LRRIQ1: variants seen among roughly 807,000 people sequenced by gnomAD.
LRRIQ1 encodes the protein leucine-rich repeat- and IQ domain-containing protein 1.
A neutral mutation model predicts 211.9 loss-of-function variants in LRRIQ1; 210 were observed. That is an observed-to-expected ratio of 0.99 (90% confidence interval 0.89 to 1.11). LRRIQ1 has a LOEUF of 1.11. Ranked by LOEUF, LRRIQ1 falls within the 50% of genes most tolerant of loss-of-function variation. The pLI is 0.00. For synonymous variants in LRRIQ1, 699 were observed against 650.1 expected (o/e 1.08, Z -1.14); for missense variants, 2,136 against 1,939.5 (o/e 1.10, Z -1.90).
At chr12:85,115,367 A>T (rs1422285321) in intron 15 of LRRIQ1, among the ~76,000 whole-genome samples, 1 of 152,226 alleles carries the variant, frequency 6.6e-6, no homozygotes, top group Non-Finnish European at 1.5e-5. Context: ...AGTAAATAAC[A>T]TGAAGAAAAT....
intron 24 of LRRIQ1, among the ~76,000 whole-genome samples, chr12:85,220,244 T>C (rs1421018184): frequency 6.6e-6 from 1 of 152,068 alleles, no homozygotes; most frequent in African/African-American, 2.4e-5. Flanking sequence ...TTTTATTATA[T>C]TACTGAGAAA....
chr12:85,160,277 T>C (rs750827713), intron 23 of LRRIQ1, among the ~76,000 whole-genome samples: 9 of 152,120 alleles, frequency 5.9e-5, no homozygotes, highest in Non-Finnish European at 1.3e-4. Flanking sequence ...CTATTTTAGG[T>C]GTTAAATTAA....
chr12:85,198,775 A>G (rs1306135616), intron 24 of LRRIQ1, among the ~76,000 whole-genome samples: 1 of 152,008 alleles, frequency 6.6e-6, no homozygotes, highest in Non-Finnish European at 1.5e-5. Flanking sequence ...CCACCATGTT[A>G]GCCAGAATGG....
intron 19 of LRRIQ1, among the ~76,000 whole-genome samples, chr12:85,140,652 G>A (rs979614639): frequency 2.0e-5 from 3 of 150,972 alleles, no homozygotes; most frequent in African/African-American, 2.4e-5. Context: ...ATTAGCAAGC[G>A]TCTTTTTCTA....
chr12:85,112,232 ATCT>A (rs1170975637), intron 15 of LRRIQ1, among the ~76,000 whole-genome samples: 1 of 151,858 alleles, frequency 6.6e-6, no homozygotes, highest in Non-Finnish European at 1.5e-5. Context: ...GCTAGACTAC[ATCT>A]TCTTAGATTT....
intron 19 of LRRIQ1, among the ~76,000 whole-genome samples, chr12:85,144,231 T>G (rs1889738943): frequency 6.6e-6 from 1 of 151,614 alleles, no homozygotes; most frequent in African/African-American, 2.4e-5. Flanking sequence ...ATTGAAATAT[T>G]TATAAATGAG....
At chr12:85,187,598 G>A (rs1456307886) in intron 24 of LRRIQ1, among the ~76,000 whole-genome samples, 1 of 152,028 alleles carries the variant, frequency 6.6e-6, no homozygotes, top group African/African-American at 2.4e-5. Context: ...CCTAAGGTCA[G>A]GAGTTCGAGA....
intron 11 of LRRIQ1, among the ~76,000 whole-genome samples, chr12:85,094,492 A>G (rs1885687576): frequency 6.6e-6 from 1 of 152,144 alleles, no homozygotes; most frequent in South Asian, 2.1e-4. Context: ...TTGTACCAAT[A>G]CCATGCTATT....
At chr12:85,068,958 A>G (rs1268890515) in intron 10 of LRRIQ1, among the ~76,000 whole-genome samples, 2 of 150,870 alleles carry the variant, frequency 1.3e-5, no homozygotes, top group African/African-American at 4.9e-5. Context: ...TTATTATTAT[A>G]CTTTAAGTTT....
At chr12:85,039,392 T>A (rs886527896) in intron 2 of LRRIQ1, among the ~76,000 whole-genome samples, 3 of 151,606 alleles carry the variant, frequency 2.0e-5, no homozygotes, top group Non-Finnish European at 4.4e-5. Flanking sequence ...CCAGGTAGCT[T>A]AGAATTCTAT....
At chr12:85,132,491 G>C (rs1302979994) in intron 18 of LRRIQ1, among the ~76,000 whole-genome samples, 2 of 152,064 alleles carry the variant, frequency 1.3e-5, no homozygotes, top group East Asian at 3.9e-4. Flanking sequence ...TCTAAGGCTG[G>C]GCCTGGTGGA....
At chr12:85,044,696 T>C (rs1211174754) in intron 3 of LRRIQ1, 22 bp from the exon 4 acceptor site, 3 of 1,228,068 alleles carry the variant, frequency 2.4e-6, no homozygotes, top group African/African-American at 1.5e-5. Flanking sequence ...TTGGAAGTTA[T>C]ATACATTTTT....
At chr12:85,166,908 T>G (rs1482557823) in intron 24 of LRRIQ1, among the ~76,000 whole-genome samples, 3 of 152,224 alleles carry the variant, frequency 2.0e-5, no homozygotes, top group Admixed American at 6.5e-5. Flanking sequence ...TTGAGCTCCA[T>G]GTATTTCTTT....
chr12:85,241,198 A>G (rs949966387), intron 26 of LRRIQ1, among the ~76,000 whole-genome samples: 2 of 151,956 alleles, frequency 1.3e-5, no homozygotes, highest in South Asian at 4.2e-4. Flanking sequence ...ACTCATTGCT[A>G]TATTTTGTAA....
chr12:85,182,133 C>CA (rs1222386384), intron 24 of LRRIQ1, among the ~76,000 whole-genome samples: 1 of 151,772 alleles, frequency 6.6e-6, no homozygotes. Flanking sequence ...AACATGTTCC[C>CA]AAAAAAGTCA....
chr12:85,057,096 A>G lies in LRRIQ1; in HGVS notation c.2303A>G (p.Lys768Arg). The G allele has an allele frequency of 6.2e-7, 1 of 1,607,408 alleles. No individual in the cohort carries two copies. Among genetic ancestry groups the G allele is most frequent in the South Asian group, 1.1e-5 (1 of 89,456 alleles). The change falls in exon 8 of 27, where the codon AAG (lysine) becomes AGG (arginine). Residue 768 changes from lysine to arginine, a missense_variant. Transcript: ENST00000393217. ...CAACAAAAGAAAATTGTTAGAAGAA[A>G]GAGACCTGTGAAATGCCCAGCCAAC... Reference protein sequence around the residue: ...QNQQKKIVRRKRPVKCPANMT... With the variant: ...QNQQKKIVRRRRPVKCPANMT...
rs151078141 is a variant in LRRIQ1, at chr12:85,036,425, G to C, written c.-25+18G>C. The C allele has an allele frequency of 7.3e-3, 1,115 of 152,396 alleles. 7 individuals are homozygous for C. The highest frequency in any genetic ancestry group is 0.024 in the Middle Eastern group (7 of 294). 9.4% of individuals were successfully genotyped at this position (152,396 alleles called of 1,614,324 possible). A position where few individuals can be genotyped will look rare whatever the true frequency, so the allele number is the denominator to read the frequency against. On this transcript the variant is annotated intron_variant, in intron 1 of 26. Coordinates refer to ENST00000393217, the MANE Select transcript of LRRIQ1 (RefSeq NM_001079910.2). ...GCTGAGGGGTGAGCCGGGGTCTTAA[G>C]ACTGGGATTCCCGTTGAGGGAGGTG... is the stretch of plus-strand genomic sequence containing the variant.
chr12:85,038,629 T>A (rs1221298000), intron 2 of LRRIQ1, among the ~76,000 whole-genome samples: 1 of 151,700 alleles, frequency 6.6e-6, no homozygotes, highest in African/African-American at 2.4e-5. Flanking sequence ...AATTATCCTT[T>A]TATTTGTGTA....
At chr12:85,263,005 T>C in exon 2 of LRRIQ1, 1 of 987,924 alleles carries the variant, frequency 1.0e-6, no homozygotes, top group Non-Finnish European at 1.2e-6. Flanking sequence ...GACAATCCTG[T>C]ACAACTCAGT....
Sources: allele counts gnomAD v4.1 joint callset (sites outside exome capture counted in the v4.1 genomes callset), GRCh38; gene constraint gnomAD v4.1.1; transcripts MANE v1.5; gene names NCBI Gene and HGNC (gene_info 2026-07-23, HGNC 2026-07-21).